Variants in CACNB4 observed in about 807,000 individuals in gnomAD.
CACNB4 encodes the protein calcium voltage-gated channel auxiliary subunit beta 4.
Under a neutral mutation model 71.2 loss-of-function variants are expected in CACNB4, and 32 were observed. That is an observed-to-expected ratio of 0.45 (90% CI 0.34 to 0.60). The LOEUF (loss-of-function observed/expected upper bound fraction) is 0.60, where lower values mean the gene tolerates loss of function less well. Ranked by LOEUF, CACNB4 falls within the 20% of genes least tolerant of loss-of-function variation. The pLI, the probability that CACNB4 is intolerant of heterozygous loss-of-function variation, is 0.01. For synonymous variants in CACNB4, 231 were observed against 236.9 expected (o/e 0.97, Z 0.23); for missense variants, 464 against 647.9 (o/e 0.72, Z 3.08).
rs188723233 is a variant in CACNB4, at chr2:151,858,427, G to A, written c.868+2284C>T. 14 of 152,264 alleles carry A rather than the reference G, an allele frequency of 9.2e-5. No homozygotes were observed. In the East Asian group the frequency reaches 2.7e-3, roughly 29 times the overall value. The allele number at this position is 152,264 out of a possible 1,614,324, so 9.4% of individuals were successfully genotyped here. A position where few individuals can be genotyped will look rare whatever the true frequency, so the allele number is the denominator to read the frequency against. ...TCATAAGATATCCTATGGGAAGAAG[G>A]GGGTTTTGTGTAAGGGTTATATTGA... On this transcript the variant is annotated intron_variant, in intron 10 of 13. Transcript: ENST00000539935.
chr2:151,937,312 T>C (rs2099863148), intron 2 of CACNB4, among the ~76,000 whole-genome samples: 1 of 152,134 alleles, frequency 6.6e-6, no homozygotes, highest in Admixed American at 6.5e-5. Context: ...GAAGTATTCT[T>C]TTTAAGTGTT....
intron 9 of CACNB4, chr2:151,861,868 A>G (rs2099841814): frequency 6.6e-6 from 1 of 151,898 alleles, no homozygotes; most frequent in African/African-American, 2.4e-5. Flanking sequence ...ACTGAAGAAT[A>G]AAGCAAAGAC....
At chr2:151,911,900 G>A (rs541382153) in intron 2 of CACNB4, among the ~76,000 whole-genome samples, 56 of 151,964 alleles carry the variant, frequency 3.7e-4, no homozygotes, top group African/African-American at 1.1e-3. Flanking sequence ...ATCTCGGTAG[G>A]GTGTATGTGT....
At chr2:152,005,808 G>T (rs1319959241) in intron 2 of CACNB4, among the ~76,000 whole-genome samples, 1 of 152,080 alleles carries the variant, frequency 6.6e-6, no homozygotes, top group Non-Finnish European at 1.5e-5. Flanking sequence ...CAACCATTTC[G>T]GGCAAGTTAC....
intron 2 of CACNB4, among the ~76,000 whole-genome samples, chr2:151,889,551 G>A (rs1430100606): frequency 6.6e-6 from 1 of 151,206 alleles, no homozygotes; most frequent in Non-Finnish European, 1.5e-5. Flanking sequence ...CAGTGGGTTT[G>A]TGCCCATTTT....
chr2:152,092,691 T>C (rs1050537517), intron 2 of CACNB4, among the ~76,000 whole-genome samples: 1 of 152,114 alleles, frequency 6.6e-6, no homozygotes, highest in African/African-American at 2.4e-5. Context: ...GGTGGCTTTA[T>C]TTTTTTCTTT....
chr2:152,041,038 T>C (rs942695450), intron 2 of CACNB4, among the ~76,000 whole-genome samples: 1 of 152,196 alleles, frequency 6.6e-6, no homozygotes, highest in Non-Finnish European at 1.5e-5. Flanking sequence ...CTCAGCCTTT[T>C]GGGCCCTTTG....
chr2:152,071,143 G>C (rs1445469700), intron 2 of CACNB4, among the ~76,000 whole-genome samples: 2 of 152,162 alleles, frequency 1.3e-5, no homozygotes, highest in Non-Finnish European at 2.9e-5. Context: ...GTAATCAAAG[G>C]CTGTATACTT....
intron 2 of CACNB4, among the ~76,000 whole-genome samples, chr2:152,021,131 C>T (rs1227596338): frequency 1.3e-5 from 2 of 152,100 alleles, no homozygotes; most frequent in African/African-American, 4.8e-5. Flanking sequence ...CCTGTAGTCC[C>T]AGCTATTCTG....
At chr2:151,843,043 G>T (rs147835443) in intron 12 of CACNB4, among the ~76,000 whole-genome samples, 7 of 152,250 alleles carry the variant, frequency 4.6e-5, no homozygotes, top group African/African-American at 1.7e-4. Context: ...AAAGAACAAG[G>T]GGTGTTTAGT....
intron 2 of CACNB4, among the ~76,000 whole-genome samples, chr2:151,962,310 T>C (rs1263397199): frequency 6.6e-6 from 1 of 152,234 alleles, no homozygotes; most frequent in African/African-American, 2.4e-5. Context: ...GCACTATCCC[T>C]TGTGGTTTCC....
intron 2 of CACNB4, among the ~76,000 whole-genome samples, chr2:151,994,173 T>TAA (rs201980694): frequency 1.3e-4 from 19 of 149,332 alleles, no homozygotes; most frequent in African/African-American, 4.7e-4. Flanking sequence ...CTCTGTTTCT[T>TAA]AAAAAAAAAC....
intron 2 of CACNB4, chr2:151,968,248 C>G (rs1207597903): frequency 3.4e-5 from 5 of 147,470 alleles, no homozygotes; most frequent in Non-Finnish European, 7.6e-5. Flanking sequence ...TGTATTTTTT[C>G]TAGTGTGGCA....
chr2:152,097,320 A>G (rs1688325562), intron 2 of CACNB4, among the ~76,000 whole-genome samples: 2 of 152,192 alleles, frequency 1.3e-5, no homozygotes, highest in South Asian at 4.1e-4. Context: ...ATAGGTTAGA[A>G]AACACATTAC....
chr2:151,972,069 CAAAA>C (rs56104858), intron 2 of CACNB4: 268 of 110,744 alleles, frequency 2.4e-3, no homozygotes, highest in Non-Finnish European at 2.8e-3. Flanking sequence ...GACCCAAAGG[CAAAA>C]AAAAAAAAAA....
At position 151,951,581 on chromosome 2, in the gene CACNB4, C is replaced by A. The variant is rs193022427; in HGVS notation, c.148-68211G>T. 2.3e-3 allele frequency among the ~76,000 whole-genome samples: 351 copies of A among 152,228 alleles called. 2 individuals carry two copies. Among genetic ancestry groups the A allele is most frequent in the African/African-American group, 8.1e-3 (335 of 41,540 alleles). On this transcript the variant is annotated intron_variant, in intron 2 of 13. Transcript: ENST00000539935. ...GAATGAGATATATCATAAGTCAGGG[C>A]AATAAGATGAGGTCCAGGCAAGGGG...
At chr2:152,024,474 G>A (rs555139835) in intron 2 of CACNB4, among the ~76,000 whole-genome samples, 2 of 152,162 alleles carry the variant, frequency 1.3e-5, no homozygotes, top group Non-Finnish European at 2.9e-5. Flanking sequence ...TATTTAAGTA[G>A]CTTCCATAAA....
chr2:152,077,710 G>A (rs779618180), intron 2 of CACNB4, among the ~76,000 whole-genome samples: 63 of 152,100 alleles, frequency 4.1e-4, no homozygotes, highest in Non-Finnish European at 7.2e-4. Flanking sequence ...TAGCCTGGGC[G>A]ACAGAGGGAC....
chr2:151,848,075 T>A (rs1029605547), intron 12 of CACNB4, among the ~76,000 whole-genome samples: 1 of 152,222 alleles, frequency 6.6e-6, no homozygotes, highest in Non-Finnish European at 1.5e-5. Context: ...CGCCCCTCCA[T>A]CTGTCCATTC....
Sources: allele counts gnomAD v4.1 joint callset (sites outside exome capture counted in the v4.1 genomes callset), GRCh38; gene constraint gnomAD v4.1.1; transcripts MANE v1.5; gene names NCBI Gene and HGNC (gene_info 2026-07-23, HGNC 2026-07-21).